ITGA8: variants seen among roughly 807,000 people sequenced by gnomAD.
The protein encoded by ITGA8 is integrin subunit alpha 8.
A neutral mutation model predicts 142.3 loss-of-function variants in ITGA8; 91 were observed. The observed-to-expected ratio is 0.64, with a 90% CI of 0.54 to 0.76. The LOEUF (loss-of-function observed/expected upper bound fraction) is 0.76, where lower values mean the gene tolerates loss of function less well. ITGA8 is among the 30% of genes least tolerant of loss of function. The probability of loss-of-function intolerance (pLI) is 0.00; values close to 1 mark genes in which losing one functional copy is unlikely to be tolerated. For synonymous variants in ITGA8, 505 were observed against 485.2 expected (o/e 1.04, Z -0.54); for missense variants, 1,406 against 1,327.7 (o/e 1.06, Z -0.92).
At chr10:15,539,526 A>C (rs1256210652) in intron 27 of ITGA8, among the ~76,000 whole-genome samples, 2 of 152,142 alleles carry the variant, frequency 1.3e-5, no homozygotes, top group Non-Finnish European at 2.9e-5. Flanking sequence ...TTTGGGCAGG[A>C]AATAAAAGAA....
At chr10:15,595,207 C>A (rs1291603794) in intron 21 of ITGA8, among the ~76,000 whole-genome samples, 1 of 152,094 alleles carries the variant, frequency 6.6e-6, no homozygotes, top group African/African-American at 2.4e-5. Context: ...AATACCAAGT[C>A]ACTTGAAAGT....
chr10:15,641,693 T>A (rs771467402), intron 13 of ITGA8, among the ~76,000 whole-genome samples: 56 of 152,182 alleles, frequency 3.7e-4, no homozygotes, highest in Non-Finnish European at 4.4e-4. Flanking sequence ...CGGGCCTGCC[T>A]TAGTAAAGAA....
At chr10:15,661,174 C>T (rs562519947) in intron 8 of ITGA8, among the ~76,000 whole-genome samples, 5 of 152,264 alleles carry the variant, frequency 3.3e-5, no homozygotes, top group Admixed American at 1.3e-4. Flanking sequence ...CAGACACTCC[C>T]CTTGCTTACA....
chr10:15,604,999 T>C (rs1833168881), intron 19 of ITGA8, among the ~76,000 whole-genome samples: 1 of 152,158 alleles, frequency 6.6e-6, no homozygotes, highest in Non-Finnish European at 1.5e-5. Context: ...CTTAAAGCGA[T>C]TGCATTTGAA....
chr10:15,573,414 C>CTT (rs55987735), intron 24 of ITGA8, among the ~76,000 whole-genome samples: 28 of 148,496 alleles, frequency 1.9e-4, no homozygotes, highest in South Asian at 4.3e-4. Flanking sequence ...TATTTGACAG[C>CTT]TTTTTTTTTT....
intron 26 of ITGA8, among the ~76,000 whole-genome samples, chr10:15,557,731 A>C (rs926231242): frequency 1.3e-5 from 2 of 152,200 alleles, no homozygotes; most frequent in African/African-American, 4.8e-5. Flanking sequence ...CCAAGGGTCC[A>C]TGCTCACTTC....
chr10:15,711,031 C>A (rs924181322), intron 2 of ITGA8, among the ~76,000 whole-genome samples: 1 of 152,122 alleles, frequency 6.6e-6, no homozygotes, highest in Non-Finnish European at 1.5e-5. Flanking sequence ...CCCTGCAGTG[C>A]CATTATACTA....
At chr10:15,557,043 A>G (rs1178414399) in intron 26 of ITGA8, among the ~76,000 whole-genome samples, 1 of 152,190 alleles carries the variant, frequency 6.6e-6, no homozygotes, top group African/African-American at 2.4e-5. Flanking sequence ...AACATAAAGC[A>G]CTAGAAGCTG....
chr10:15,613,143 A>G, intron 15 of ITGA8, among the ~76,000 whole-genome samples: 1 of 151,914 alleles, frequency 6.6e-6, no homozygotes, highest in African/African-American at 2.4e-5. Context: ...CCTGGGTGAC[A>G]AAGCAAGACT....
chr10:15,576,738 G>A (rs1390328161), intron 23 of ITGA8, among the ~76,000 whole-genome samples: 13 of 152,166 alleles, frequency 8.5e-5, no homozygotes, highest in Admixed American at 3.3e-4. Flanking sequence ...ACAAATGTTC[G>A]GAAAACATCT....
chr10:15,600,060 T>G (rs989398619), intron 20 of ITGA8, among the ~76,000 whole-genome samples: 3 of 152,246 alleles, frequency 2.0e-5, no homozygotes, highest in African/African-American at 7.2e-5. Context: ...AAAACAGGGA[T>G]AGTGACAGCA....
chr10:15,678,237 G>C lies in ITGA8; in HGVS notation c.630+485C>G. The stretch of plus-strand genomic sequence containing the variant: ...GACAGTAAACAGTTTATACGTTGAT[G>C]AAATTTTTCTATACTATTTTCAAAA... On this transcript the variant is annotated intron_variant, in intron 5 of 29. Transcript: ENST00000378076. Among the ~76,000 whole-genome samples, 3 of 152,176 alleles carry C rather than the reference G, an allele frequency of 2.0e-5. 1 individual carries two copies. In the Middle Eastern group the frequency reaches 0.01, roughly 518 times the overall value.
intron 5 of ITGA8, among the ~76,000 whole-genome samples, chr10:15,678,237 GA>G (rs1240598935): frequency 2.6e-5 from 4 of 152,060 alleles, no homozygotes; most frequent in African/African-American, 7.2e-5. Context: ...ATACGTTGAT[GA>G]AATTTTTCTA....
At chr10:15,691,827 C>T (rs910496337) in intron 2 of ITGA8, among the ~76,000 whole-genome samples, 3 of 152,174 alleles carry the variant, frequency 2.0e-5, no homozygotes, top group African/African-American at 7.2e-5. Flanking sequence ...TTAATATACA[C>T]ACACATATAC....
intron 8 of ITGA8, among the ~76,000 whole-genome samples, chr10:15,661,813 A>G (rs1834292595): frequency 6.6e-6 from 1 of 152,212 alleles, no homozygotes; most frequent in Non-Finnish European, 1.5e-5. Flanking sequence ...GAATCATAAA[A>G]CAGGGTTCAG....
intron 21 of ITGA8, among the ~76,000 whole-genome samples, chr10:15,594,697 G>A (rs1395923009): frequency 1.3e-5 from 2 of 152,068 alleles, no homozygotes; most frequent in Admixed American, 6.5e-5. Flanking sequence ...CAGGAGAATC[G>A]CTTGAACCTG....
intron 20 of ITGA8, among the ~76,000 whole-genome samples, chr10:15,599,184 T>C (rs1833059386): frequency 6.6e-6 from 1 of 152,132 alleles, no homozygotes. Flanking sequence ...AAGAGTTTTT[T>C]CTCCCTTTCA....
intron 23 of ITGA8, among the ~76,000 whole-genome samples, chr10:15,582,533 G>A (rs1834427818): frequency 6.6e-6 from 1 of 152,136 alleles, no homozygotes; most frequent in Non-Finnish European, 1.5e-5. Context: ...ACACATATTT[G>A]GTAAATGGCT....
At chr10:15,582,913 C>G (rs1297363418) in intron 23 of ITGA8, among the ~76,000 whole-genome samples, 1 of 152,202 alleles carries the variant, frequency 6.6e-6, no homozygotes, top group Non-Finnish European at 1.5e-5. Context: ...CTCGGTAATT[C>G]CATTTGTGAA....
Sources: allele counts gnomAD v4.1 joint callset (sites outside exome capture counted in the v4.1 genomes callset), GRCh38; gene constraint gnomAD v4.1.1; transcripts MANE v1.5; gene names NCBI Gene and HGNC (gene_info 2026-07-23, HGNC 2026-07-21).